The following SPACA7 variants were observed in gnomAD, a reference collection of about 807,000 sequenced individuals.
The protein encoded by SPACA7 is sperm acrosome associated 7, also known as sperm acrosome-associated protein 7.
Under a neutral mutation model 26.3 loss-of-function variants are expected in SPACA7, and 19 were observed. That is an observed-to-expected ratio of 0.72 (90% CI 0.50 to 1.06). The LOEUF is 1.06. Ranked by LOEUF, SPACA7 falls within the 50% of genes least tolerant of loss-of-function variation. The pLI is 0.00. For missense variants in SPACA7, 211 were observed against 229.9 expected (o/e 0.92, Z 0.53); for synonymous variants, 84 against 84.5 (o/e 0.99, Z 0.04).
chr13:112,389,517 C>T (rs1884740852), intron 1 of SPACA7, among the ~76,000 whole-genome samples: 1 of 152,170 alleles, frequency 6.6e-6, no homozygotes, highest in African/African-American at 2.4e-5. Flanking sequence ...ACTTAAAAAA[C>T]ATTTGGGTTA....
chr13:112,432,819 C>G (rs1330461610), intron 6 of SPACA7, among the ~76,000 whole-genome samples: 4 of 152,228 alleles, frequency 2.6e-5, no homozygotes, highest in Admixed American at 6.5e-5. Flanking sequence ...AAGGCTGCCA[C>G]CACCCACCTA....
intron 2 of SPACA7, among the ~76,000 whole-genome samples, chr13:112,396,924 G>C (rs777766879): frequency 1.3e-5 from 2 of 152,164 alleles, no homozygotes; most frequent in African/African-American, 4.8e-5. Flanking sequence ...GGGGGTGCAG[G>C]CCTGGACACT....
chr13:112,392,611 A>G (rs577568402), intron 1 of SPACA7, among the ~76,000 whole-genome samples: 113 of 152,274 alleles, frequency 7.4e-4, no homozygotes, highest in African/African-American at 2.7e-3. Context: ...TTCACGAAGG[A>G]GGTCCAAATG....
At chr13:112,400,347 C>T (rs549251311) in intron 4 of SPACA7, among the ~76,000 whole-genome samples, 1 of 152,346 alleles carries the variant, frequency 6.6e-6, no homozygotes, top group South Asian at 2.1e-4. Flanking sequence ...CCAAATTTGT[C>T]TGCCTGGTGG....
intron 1 of SPACA7, among the ~76,000 whole-genome samples, chr13:112,383,395 AACAAATCATGATAGAAATTATTT>A (rs1322010943): frequency 6.6e-6 from 1 of 152,170 alleles, no homozygotes; most frequent in Non-Finnish European, 1.5e-5. Flanking sequence ...TTTAAAGAAA[AACAAATCATGATAGAAATTATTT>A]ACAGTTTACA....
chr13:112,411,473 G>C (rs775289254), intron 5 of SPACA7, among the ~76,000 whole-genome samples: 1 of 151,940 alleles, frequency 6.6e-6, no homozygotes, highest in Non-Finnish European at 1.5e-5. Context: ...TAGTACTTTT[G>C]AAATATACAA....
chr13:112,418,533 G>A (rs147335272), intron 5 of SPACA7, among the ~76,000 whole-genome samples: 26 of 152,336 alleles, frequency 1.7e-4, no homozygotes, highest in African/African-American at 6.0e-4. Flanking sequence ...TTCTGGAATA[G>A]CTAATCTGTG....
At chr13:112,429,386 A>AG (rs1876848688) in intron 5 of SPACA7, among the ~76,000 whole-genome samples, 1 of 152,058 alleles carries the variant, frequency 6.6e-6, no homozygotes, top group Non-Finnish European at 1.5e-5. Flanking sequence ...AAAAAAAAAA[A>AG]AAAGAAAGAA....
intron 5 of SPACA7, among the ~76,000 whole-genome samples, chr13:112,425,144 T>C (rs1444076405): frequency 1.3e-5 from 2 of 152,220 alleles, no homozygotes; most frequent in Non-Finnish European, 2.9e-5. Flanking sequence ...AGGACAGCCA[T>C]GTGCCACAGT....
intron 5 of SPACA7, among the ~76,000 whole-genome samples, chr13:112,427,795 T>C (rs774299791): frequency 1.3e-5 from 2 of 152,206 alleles, no homozygotes; most frequent in Non-Finnish European, 2.9e-5. Context: ...TTATGGGAAC[T>C]TTCTCATTTC....
In SPACA7 at chr13:112,398,138, C is replaced by A; in HGVS notation, c.241C>A (p.His81Asn). 1.2e-6 allele frequency: 2 copies of A among 1,612,056 alleles called. No homozygotes were observed. Among genetic ancestry groups the A allele is most frequent in the African/African-American group, 1.3e-5 (1 of 74,976 alleles). The change falls in exon 3 of 7, where the codon CAT becomes AAT. Residue 81 changes from histidine (H) to asparagine (N), a missense_variant and splice_region_variant. By Grantham distance (68) the His-to-Asn change is moderately conservative. Transcript: ENST00000283550. ...AGCATCAACATTATCAACACCGTTACGTAAGGAGAAAAGCAAGCACACCCC... is the reference window on the plus strand; with the variant it reads ...AGCATCAACATTATCAACACCGTTAAGTAAGGAGAAAAGCAAGCACACCCC... Reference protein sequence around the residue: ...STASTLSTPLHAGIDENYQAG... With the variant: ...STASTLSTPLNAGIDENYQAG...
chr13:112,415,876 G>T (rs975698668), intron 5 of SPACA7, among the ~76,000 whole-genome samples: 1 of 152,124 alleles, frequency 6.6e-6, no homozygotes, highest in South Asian at 2.1e-4. Context: ...CCTGGGGTGG[G>T]TCTAAATGCT....
chr13:112,381,494 CAAAAAA>C (rs35147413), intron 1 of SPACA7, among the ~76,000 whole-genome samples: 6 of 44,012 alleles, frequency 1.4e-4, no homozygotes, highest in Admixed American at 1.4e-3. Flanking sequence ...CCCTGTCCCC[CAAAAAA>C]AAAAAAAAAA....
At chr13:112,429,880 T>C (rs1190376406) in intron 5 of SPACA7, among the ~76,000 whole-genome samples, 1 of 152,218 alleles carries the variant, frequency 6.6e-6, no homozygotes, top group East Asian at 1.9e-4. Flanking sequence ...TTTGGTCCTT[T>C]TGAGGCTTGC....
chr13:112,418,322 G>C (rs1034215235), intron 5 of SPACA7, among the ~76,000 whole-genome samples: 1 of 152,152 alleles, frequency 6.6e-6, no homozygotes, highest in Non-Finnish European at 1.5e-5. Flanking sequence ...ATAGAAATTT[G>C]GCTGTTAGAG....
intron 1 of SPACA7, among the ~76,000 whole-genome samples, chr13:112,379,049 C>T (rs916215907): frequency 3.3e-5 from 5 of 152,200 alleles, no homozygotes; most frequent in Admixed American, 6.5e-5. Flanking sequence ...AAACCGGAAG[C>T]AGAGAGTTCT....
Position 112,400,095 on chromosome 13 carries a change from A to AC in SPACA7, c.349+923dup, listed in dbSNP as rs564040824. ...TGGGGACACAGAGCCAAACCATATC[A>AC]CTGGGACACACATGTAGGACATCTG... On this transcript the variant is annotated intron_variant, in intron 4 of 6. Coordinates refer to ENST00000283550, the MANE Select transcript of SPACA7 (RefSeq NM_145248.5). 8.1e-3 allele frequency among the ~76,000 whole-genome samples: 1,227 copies of AC among 152,272 alleles called. 14 individuals carry two copies. Among genetic ancestry groups the AC allele is most frequent in the African/African-American group, 0.028 (1,156 of 41,556 alleles).
At chr13:112,412,482 G>C (rs1401842456) in intron 5 of SPACA7, among the ~76,000 whole-genome samples, 2 of 151,834 alleles carry the variant, frequency 1.3e-5, no homozygotes, top group Non-Finnish European at 2.9e-5. Context: ...GTCTATTTTT[G>C]CTTTTGTTGC....
chr13:112,384,292 A>G (rs1183089848), intron 1 of SPACA7, among the ~76,000 whole-genome samples: 1 of 152,102 alleles, frequency 6.6e-6, no homozygotes, highest in Non-Finnish European at 1.5e-5. Context: ...GAAATTTGTT[A>G]CCTCTGTATC....
Sources: allele counts gnomAD v4.1 joint callset (sites outside exome capture counted in the v4.1 genomes callset), GRCh38; gene constraint gnomAD v4.1.1; transcripts MANE v1.5; gene names NCBI Gene and HGNC (gene_info 2026-07-23, HGNC 2026-07-21).